The following ROBO2 variants were observed in gnomAD, a reference collection of about 807,000 sequenced individuals.
ROBO2 encodes roundabout guidance receptor 2, also known as roundabout homolog 2.
ROBO2 carries 53 observed loss-of-function variants against 160.8 expected under a neutral mutation model. The observed-to-expected ratio is 0.33, with a 90% CI of 0.26 to 0.41. ROBO2 has a LOEUF of 0.41. Ranked by LOEUF, ROBO2 falls within the 10% of genes least tolerant of loss-of-function variation. The pLI is 1.00. For missense variants in ROBO2, 1,577 were observed against 1,722.4 expected (o/e 0.92, Z 1.49); for synonymous variants, 664 against 611.7 (o/e 1.09, Z -1.26).
chr3:76,373,947 T>C (rs905052934), intron 2 of ROBO2, among the ~76,000 whole-genome samples: 1 of 151,928 alleles, frequency 6.6e-6, no homozygotes, highest in African/African-American at 2.4e-5. Flanking sequence ...GCCTGGCTAA[T>C]GAAGGTGGCT....
chr3:76,031,228 T>C (rs1321576861), intron 2 of ROBO2, among the ~76,000 whole-genome samples: 1 of 152,218 alleles, frequency 6.6e-6, no homozygotes, highest in African/African-American at 2.4e-5. Context: ...CCTGAGACTT[T>C]GCTGAAGTTA....
intron 1 of ROBO2, among the ~76,000 whole-genome samples, chr3:77,056,231 G>C (rs1446682198): frequency 6.6e-6 from 1 of 152,162 alleles, no homozygotes; most frequent in African/African-American, 2.4e-5. Context: ...ATGTAGCTAA[G>C]ACTTTCTTTG....
At chr3:76,714,892 C>G (rs902059040) in intron 2 of ROBO2, among the ~76,000 whole-genome samples, 1 of 152,102 alleles carries the variant, frequency 6.6e-6, no homozygotes, top group Non-Finnish European at 1.5e-5. Context: ...TTAGTGCCCA[C>G]CAAGTGTGTA....
chr3:76,806,939 G>C (rs557995113), intron 2 of ROBO2, among the ~76,000 whole-genome samples: 1 of 152,132 alleles, frequency 6.6e-6, no homozygotes, highest in South Asian at 2.1e-4. Flanking sequence ...ATCTTGACTT[G>C]TGATTTGTGG....
intron 2 of ROBO2, among the ~76,000 whole-genome samples, chr3:76,830,645 C>T (rs1474494062): frequency 6.6e-6 from 1 of 151,820 alleles, no homozygotes; most frequent in African/African-American, 2.4e-5. Context: ...TATTTCTCCA[C>T]GTATGTATTC....
rs112749194 is a variant in ROBO2 at position 76,723,977 on chromosome 3, G to A, written c.110-374037G>A. Among the ~76,000 whole-genome samples, 453 of 152,228 alleles carry A rather than the reference G, an allele frequency of 3.0e-3. 2 individuals carry two copies. The highest frequency in any genetic ancestry group is 4.3e-3 in the Non-Finnish European group (295 of 68,006). On this transcript the variant is annotated intron_variant, in intron 2 of 26. Transcript: ENST00000487694. Reference sequence around the variant, plus strand: ...CACACATTAAAGTTTGAGAATGGCCGTCTAGATTCTCTTGCTTATTGTACT... The same window carrying A: ...CACACATTAAAGTTTGAGAATGGCCATCTAGATTCTCTTGCTTATTGTACT...
intron 2 of ROBO2, among the ~76,000 whole-genome samples, chr3:77,180,600 A>G (rs112041024): frequency 2.0e-3 from 304 of 151,014 alleles, no homozygotes; most frequent in African/African-American, 6.7e-3. Context: ...CTATTTTTCT[A>G]TATACCATAT....
intron 2 of ROBO2, among the ~76,000 whole-genome samples, chr3:76,834,214 T>TCTCTCTCTC (rs1342077093): frequency 6.7e-6 from 1 of 149,722 alleles, no homozygotes; most frequent in African/African-American, 2.5e-5. Context: ...TCTTTCTTGT[T>TCTCTCTCTC]TTTTTCTTGA....
chr3:76,427,893 CTCT>C (rs1168218160), intron 2 of ROBO2, among the ~76,000 whole-genome samples: 2 of 152,118 alleles, frequency 1.3e-5, no homozygotes, highest in Admixed American at 6.6e-5. Context: ...GTATGTGCCT[CTCT>C]TCTCCAGTTT....
At chr3:77,322,463 T>G (rs1055746022) in intron 2 of ROBO2, among the ~76,000 whole-genome samples, 1 of 152,098 alleles carries the variant, frequency 6.6e-6, no homozygotes, top group Admixed American at 6.6e-5. Flanking sequence ...GGGAGTGGGG[T>G]TTGTCTAACA....
At chr3:76,224,669 CT>C (rs1704174239) in intron 2 of ROBO2, among the ~76,000 whole-genome samples, 1 of 152,132 alleles carries the variant, frequency 6.6e-6, no homozygotes, top group South Asian at 2.1e-4. Context: ...CACGACTTAC[CT>C]AATTCATAAT....
intron 2 of ROBO2, among the ~76,000 whole-genome samples, chr3:76,595,056 G>C (rs766227223): frequency 6.6e-6 from 1 of 151,906 alleles, no homozygotes; most frequent in Non-Finnish European, 1.5e-5. Flanking sequence ...AGAAAGATGA[G>C]GATACATGGA....
intron 2 of ROBO2, among the ~76,000 whole-genome samples, chr3:77,219,853 A>C (rs192719009): frequency 1.3e-5 from 2 of 151,818 alleles, no homozygotes; most frequent in Admixed American, 6.6e-5. Flanking sequence ...CATAATCTTA[A>C]AAATATTTGT....
intron 2 of ROBO2, among the ~76,000 whole-genome samples, chr3:77,463,787 C>A (rs955678964): frequency 6.6e-6 from 1 of 152,038 alleles, no homozygotes; most frequent in East Asian, 1.9e-4. Context: ...CACCATGTTG[C>A]CCAAAATGGT....
chr3:76,840,926 C>T (rs957632888), intron 2 of ROBO2, among the ~76,000 whole-genome samples: 3 of 151,912 alleles, frequency 2.0e-5, no homozygotes, highest in African/African-American at 7.3e-5. Context: ...CTCCAAGATT[C>T]TAGGTCTTTG....
At chr3:76,524,275 AC>A (rs1657963232) in intron 2 of ROBO2, among the ~76,000 whole-genome samples, 1 of 152,004 alleles carries the variant, frequency 6.6e-6, no homozygotes, top group Non-Finnish European at 1.5e-5. Flanking sequence ...GGAAACATTT[AC>A]TAAAGAGTAG....
At chr3:76,270,624 C>T (rs970500815) in intron 2 of ROBO2, among the ~76,000 whole-genome samples, 1 of 152,004 alleles carries the variant, frequency 6.6e-6, no homozygotes, top group Non-Finnish European at 1.5e-5. Flanking sequence ...TTATTGAGCA[C>T]CTTTTGTGCT....
intron 5 of ROBO2, among the ~76,000 whole-genome samples, chr3:77,507,535 T>C (rs2088737229): frequency 6.6e-6 from 1 of 152,194 alleles, no homozygotes; most frequent in Non-Finnish European, 1.5e-5. Context: ...AGCTGTGAGC[T>C]CTGTGGATTC....
chr3:76,096,429 A>G (rs1050471423), intron 2 of ROBO2, among the ~76,000 whole-genome samples: 2 of 152,210 alleles, frequency 1.3e-5, no homozygotes, highest in African/African-American at 4.8e-5. Context: ...ACCCAGAGGA[A>G]GATCACATTA....
Sources: gnomAD v4.1 joint callset for allele counts (sites outside exome capture counted in the v4.1 genomes callset) on GRCh38, gnomAD v4.1.1 for gene constraint, MANE v1.5 for transcripts, NCBI Gene and HGNC (gene_info 2026-07-23, HGNC 2026-07-21) for gene names.